Variants in COL26A1 observed in about 807,000 individuals in gnomAD.
The protein encoded by COL26A1 is collagen type XXVI alpha 1 chain.
COL26A1 carries 41 observed loss-of-function variants against 59.3 expected under a neutral mutation model. That is an observed-to-expected ratio of 0.69 (90% confidence interval 0.54 to 0.90). The LOEUF is 0.90. Among genes scored for constraint, COL26A1 ranks in the 40% least tolerant of loss-of-function variants. The pLI is 0.00. For synonymous variants in COL26A1, 266 were observed against 256.0 expected, an observed-to-expected ratio of 1.04 and a Z score of -0.37; for missense variants, 612 against 602.3, an observed-to-expected ratio of 1.02 and a Z score of -0.17.
chr7:101,540,170 A>G, intron 5 of COL26A1, 121 bp downstream of exon 5: 2 of 1,015,578 alleles, frequency 2.0e-6, no homozygotes, highest in Non-Finnish European at 2.7e-6. Context: ...GCCATGTGGC[A>G]TTTTGAAAAA....
intron 3 of COL26A1, among the ~76,000 whole-genome samples, chr7:101,474,323 G>A (rs1045924514): frequency 6.6e-6 from 1 of 152,098 alleles, no homozygotes; most frequent in African/African-American, 2.4e-5. Context: ...TGGGCTGGGT[G>A]TGATAGCTTA....
intron 3 of COL26A1, among the ~76,000 whole-genome samples, chr7:101,532,353 G>C (rs1562792545): frequency 6.6e-6 from 1 of 152,062 alleles, no homozygotes; most frequent in East Asian, 1.9e-4. Flanking sequence ...TACAGACACT[G>C]CCACAGCCCT....
intron 2 of COL26A1, among the ~76,000 whole-genome samples, chr7:101,437,434 T>C (rs7782656): frequency 0.14 from 18,419 of 134,090 alleles, 1,913 homozygotes; most frequent in African/African-American, 0.32. Flanking sequence ...TGAATGCTGG[T>C]GGAATTCTGA....
At chr7:101,457,987 C>A (rs1793519356) in intron 3 of COL26A1, among the ~76,000 whole-genome samples, 1 of 151,176 alleles carries the variant, frequency 6.6e-6, no homozygotes, top group Non-Finnish European at 1.5e-5. Flanking sequence ...ACCTCCGCCT[C>A]CTGGGTTCAA....
intron 1 of COL26A1, among the ~76,000 whole-genome samples, chr7:101,405,637 T>C (rs1792111759): frequency 6.6e-6 from 1 of 152,138 alleles, no homozygotes; most frequent in East Asian, 1.9e-4. Context: ...CACGTGGTCC[T>C]CCCTCACATG....
intron 1 of COL26A1, among the ~76,000 whole-genome samples, chr7:101,384,238 T>TTTTTG (rs1554403553): frequency 6.4e-4 from 90 of 141,170 alleles, no homozygotes; most frequent in African/African-American, 2.2e-3. Flanking sequence ...TGGTTTTTTT[T>TTTTTG]TTTTTTTTTT....
At chr7:101,371,224 A>G (rs1245888894) in intron 1 of COL26A1, among the ~76,000 whole-genome samples, 1 of 152,200 alleles carries the variant, frequency 6.6e-6, no homozygotes, top group African/African-American at 2.4e-5. Flanking sequence ...GGTGGCCTGC[A>G]TGGAGGAAGA....
chr7:101,387,778 A>ATATATTTTTTTT (rs773025730), intron 1 of COL26A1, among the ~76,000 whole-genome samples: 7 of 84,800 alleles, frequency 8.3e-5, no homozygotes, highest in South Asian at 3.8e-4. Context: ...ATATATATAT[A>ATATATTTTTTTT]TTTTTTTTTA....
intron 6 of COL26A1, among the ~76,000 whole-genome samples, chr7:101,544,768 G>A (rs1354511060): frequency 6.6e-6 from 1 of 152,012 alleles, no homozygotes; most frequent in Admixed American, 6.5e-5. Flanking sequence ...CCTGACCTCA[G>A]GTGACCTGCC....
chr7:101,437,383 G>A (rs1005182498), intron 2 of COL26A1, among the ~76,000 whole-genome samples: 2 of 150,502 alleles, frequency 1.3e-5, no homozygotes, highest in Non-Finnish European at 3.0e-5. Context: ...TGGGGGCGGA[G>A]TTCCGAATGG....
intron 1 of COL26A1, among the ~76,000 whole-genome samples, chr7:101,398,653 A>C (rs1791920260): frequency 6.6e-6 from 1 of 152,086 alleles, no homozygotes; most frequent in Non-Finnish European, 1.5e-5. Flanking sequence ...CACCAAGGGC[A>C]AATGTGTTAT....
intron 3 of COL26A1, among the ~76,000 whole-genome samples, chr7:101,497,233 C>T (rs1056196146): frequency 2.0e-5 from 3 of 152,076 alleles, no homozygotes; most frequent in African/African-American, 7.2e-5. Flanking sequence ...AGCAAAACTC[C>T]ATCTCAAAAA....
At chr7:101,433,206 C>T (rs1308022387) in intron 2 of COL26A1, among the ~76,000 whole-genome samples, 2 of 152,074 alleles carry the variant, frequency 1.3e-5, no homozygotes, top group East Asian at 3.9e-4. Context: ...CACCTGTAAT[C>T]CAAGTTACTT....
intron 1 of COL26A1, among the ~76,000 whole-genome samples, chr7:101,387,778 A>ATT (rs1554404085): frequency 0.022 from 1,882 of 84,686 alleles, 69 homozygotes; most frequent in Non-Finnish European, 0.03. Flanking sequence ...ATATATATAT[A>ATT]TTTTTTTTTA....
rs182778526 is a variant in COL26A1 at position 101,484,473 on chromosome 7, C to T, written c.385+36686C>T. Among the ~76,000 whole-genome samples, 610 of 151,280 alleles carry T rather than the reference C, an allele frequency of 4.0e-3. 22 individuals carry two copies. The highest frequency in any genetic ancestry group is 0.038 in the Admixed American group (575 of 15,188). ...GCAACCTCTGCCTCCCAGGTTCCAG[C>T]GATTCTCCTGCCTCAGCCTCCTGAG... On this transcript the variant is annotated intron_variant, in intron 3 of 12. Transcript: ENST00000313669.
intron 3 of COL26A1, among the ~76,000 whole-genome samples, chr7:101,515,657 C>T (rs767151888): frequency 2.0e-4 from 30 of 151,190 alleles, no homozygotes; most frequent in Admixed American, 3.3e-4. Context: ...GTTGATCCCT[C>T]GGCTTGCTGC....
intron 3 of COL26A1, among the ~76,000 whole-genome samples, chr7:101,475,869 T>TC (rs1794028700): frequency 1.2e-5 from 1 of 85,616 alleles, no homozygotes; most frequent in South Asian, 3.6e-4. Context: ...TTTCTCTCTC[T>TC]TTCTTTCTCT....
intron 3 of COL26A1, among the ~76,000 whole-genome samples, chr7:101,489,905 T>G (rs1473096874): frequency 3.0e-5 from 3 of 98,854 alleles, no homozygotes; most frequent in Non-Finnish European, 5.9e-5. Flanking sequence ...TTTCTTTCTT[T>G]CTTTCTTTCT....
At chr7:101,459,029 G>T (rs1043626043) in intron 3 of COL26A1, among the ~76,000 whole-genome samples, 2 of 152,096 alleles carry the variant, frequency 1.3e-5, no homozygotes, top group Admixed American at 1.3e-4. Flanking sequence ...GCCTAGATTG[G>T]TCTTGAACTC....
Sources: gnomAD v4.1 joint callset for allele counts (sites outside exome capture counted in the v4.1 genomes callset) on GRCh38, gnomAD v4.1.1 for gene constraint, MANE v1.5 for transcripts, NCBI Gene and HGNC (gene_info 2026-07-23, HGNC 2026-07-21) for gene names.